The following PLCE1 variants were observed in gnomAD, a reference collection of about 807,000 sequenced individuals.
PLCE1 encodes the protein 1-phosphatidylinositol 4,5-bisphosphate phosphodiesterase epsilon-1.
In PLCE1, 119 loss-of-function variants were observed where a neutral mutation model predicts 242.8. The observed-to-expected ratio is 0.49, with a 90% confidence interval of 0.42 to 0.57. The LOEUF is 0.57. Among genes scored for constraint, PLCE1 ranks in the 20% least tolerant of loss-of-function variants. The pLI is 0.00. For synonymous variants in PLCE1, 945 were observed against 1,017.4 expected (o/e 0.93, Z 1.35); for missense variants, 2,441 against 2,788.8 (o/e 0.88, Z 2.81).
intron 4 of PLCE1, among the ~76,000 whole-genome samples, chr10:94,197,976 C>A: frequency 1.3e-5 from 1 of 78,124 alleles, no homozygotes; most frequent in Admixed American, 2.4e-4. Context: ...GAGCAAGACT[C>A]TGTCTCAAAA....
At chr10:94,254,770 G>A (rs2051005133) in intron 10 of PLCE1, 123 bp from the exon 11 acceptor site, 4 of 1,062,306 alleles carry the variant, frequency 3.8e-6, no homozygotes, top group Non-Finnish European at 5.9e-6. Flanking sequence ...GGTGCTGCTT[G>A]TATAGAAACC....
intron 26 of PLCE1, among the ~76,000 whole-genome samples, chr10:94,307,091 G>T (rs1312140894): frequency 1.3e-5 from 2 of 152,160 alleles, no homozygotes; most frequent in South Asian, 2.1e-4. Flanking sequence ...GTCCAGTTTT[G>T]GAAGCTGGGG....
chr10:94,277,732 A>T lies in PLCE1; in HGVS notation c.4666-2050A>T, dbSNP rs377216565. Among the ~76,000 whole-genome samples the T allele has an allele frequency of 3.9e-5, 6 of 152,268 alleles. No individual in the cohort carries two copies. In the South Asian group the frequency reaches 1.2e-3, roughly 32 times the overall value. On this transcript the variant is annotated intron_variant, in intron 19 of 32. Transcript: ENST00000371380. ...ACTTGTGCCTACAACAGATTTCCCA[A>T]AGTTTTGAAGAACACTAATCCTATG... is the stretch of plus-strand genomic sequence containing the variant.
At chr10:94,233,193 T>A (rs1386202143) in intron 5 of PLCE1, among the ~76,000 whole-genome samples, 1 of 152,200 alleles carries the variant, frequency 6.6e-6, no homozygotes, top group Non-Finnish European at 1.5e-5. Context: ...AGTTTCAGAA[T>A]AGGGAAAGTC....
At chr10:94,222,750 G>T (rs532508203) in intron 4 of PLCE1, among the ~76,000 whole-genome samples, 1 of 152,234 alleles carries the variant, frequency 6.6e-6, no homozygotes, top group East Asian at 1.9e-4. Context: ...TTCAAACCCT[G>T]TCCACACATC....
intron 32 of PLCE1, among the ~76,000 whole-genome samples, chr10:94,327,574 T>C (rs1316739778): frequency 6.6e-6 from 1 of 152,234 alleles, no homozygotes; most frequent in Non-Finnish European, 1.5e-5. Flanking sequence ...TTCCACTTTT[T>C]AGGTAACATA....
intron 1 of PLCE1, among the ~76,000 whole-genome samples, chr10:94,017,208 C>A (rs1293148295): frequency 1.3e-5 from 2 of 152,170 alleles, no homozygotes; most frequent in African/African-American, 4.8e-5. Flanking sequence ...ACAGTTCTGT[C>A]TGTTTTATTT....
Position 94,324,900 on chromosome 10 carries a change from A to T in PLCE1, c.6729A>T (p.Arg2243=). 1 of 1,614,126 alleles carries T rather than the reference A, an allele frequency of 6.2e-7. No homozygotes were observed. The highest frequency in any genetic ancestry group is 8.5e-7 in the Non-Finnish European group (1 of 1,179,998). The stretch of plus-strand genomic sequence containing the variant: ...GTTCTTTGTTCCCACAGGCATCTCG[A>T]GAAGATAAAAAGAAAGGCATTTCTT... ...LKLKEQVQAS[R]EDKKKGISFA... Residue 2243 remains arginine (R), a synonymous_variant, in exon 32 of 33, where the codon CGA becomes CGT. Coordinates refer to ENST00000371380, the MANE Select transcript of PLCE1 (RefSeq NM_016341.4).
intron 4 of PLCE1, among the ~76,000 whole-genome samples, chr10:94,198,294 C>G (rs888734264): frequency 3.3e-5 from 5 of 152,148 alleles, no homozygotes; most frequent in African/African-American, 1.2e-4. Flanking sequence ...TGTTCATTCT[C>G]AACAGAAGTC....
At chr10:93,994,614 C>T (rs1054205575) in intron 1 of PLCE1, among the ~76,000 whole-genome samples, 11 of 152,328 alleles carry the variant, frequency 7.2e-5, no homozygotes, top group Non-Finnish European at 1.5e-4. Context: ...AGAGATTGTT[C>T]CTGGAGAGAT....
chr10:94,233,337 A>G (rs2050205646), intron 5 of PLCE1, among the ~76,000 whole-genome samples: 3 of 152,230 alleles, frequency 2.0e-5, no homozygotes, highest in Non-Finnish European at 4.4e-5. Flanking sequence ...CTTCATGTTG[A>G]TCACTAAGGG....
At chr10:94,326,034 A>G (rs2054004308) in intron 32 of PLCE1, among the ~76,000 whole-genome samples, 2 of 152,206 alleles carry the variant, frequency 1.3e-5, no homozygotes, top group Admixed American at 1.3e-4. Flanking sequence ...AATTATTTAC[A>G]TGAGACCTGA....
chr10:94,254,176 C>G lies in PLCE1; in HGVS notation c.3280-14C>G, dbSNP rs1487466476. 1 of 1,576,782 alleles carries G rather than the reference C, an allele frequency of 6.3e-7. No homozygotes were observed. The highest frequency in any genetic ancestry group is 8.7e-7 in the Non-Finnish European group (1 of 1,145,930). On this transcript the variant is annotated splice_polypyrimidine_tract_variant and intron_variant, in intron 9 of 32. Coordinates refer to ENST00000371380, the MANE Select transcript of PLCE1 (RefSeq NM_016341.4). The stretch of plus-strand genomic sequence containing the variant: ...AATACAGGCTTGGAACCATCGTGAG[C>G]TTTGTGTTCCCAGGGTGAGAGTGGA...
chr10:94,240,650 A>G (rs575635844), intron 7 of PLCE1, among the ~76,000 whole-genome samples: 3 of 152,140 alleles, frequency 2.0e-5, no homozygotes, highest in East Asian at 2.0e-4. Flanking sequence ...ACGAACACTT[A>G]CAAAGAAAAT....
chr10:94,310,530 C>A (rs2053355602), intron 27 of PLCE1, among the ~76,000 whole-genome samples: 1 of 152,124 alleles, frequency 6.6e-6, no homozygotes. Context: ...TAGAAGAGCA[C>A]TTTGGCCAAA....
At chr10:94,291,000 T>C (rs771470639) in intron 22 of PLCE1, among the ~76,000 whole-genome samples, 21 of 152,222 alleles carry the variant, frequency 1.4e-4, no homozygotes, top group Non-Finnish European at 2.6e-4. Context: ...CACCATCATA[T>C]ACGTGGTCTG....
intron 3 of PLCE1, among the ~76,000 whole-genome samples, chr10:94,136,958 C>A (rs972423765): frequency 3.3e-5 from 5 of 152,122 alleles, no homozygotes; most frequent in Non-Finnish European, 5.9e-5. Context: ...TTTGGTAGGC[C>A]GAGGCGGGCA....
At chr10:94,194,609 T>G (rs908163461) in intron 4 of PLCE1, among the ~76,000 whole-genome samples, 2 of 152,230 alleles carry the variant, frequency 1.3e-5, no homozygotes, top group African/African-American at 4.8e-5. Context: ...TGGCTCAGAT[T>G]TGAATTCAGA....
At chr10:94,255,939 CTCTCTCTCT>C (rs1436144529) in intron 11 of PLCE1, among the ~76,000 whole-genome samples, 1 of 150,296 alleles carries the variant, frequency 6.7e-6, no homozygotes, top group Non-Finnish European at 1.5e-5. Flanking sequence ...CTCTCTCTCT[CTCTCTCTCT>C]CTCTCTCTCC....
Sources: gnomAD v4.1 joint callset for allele counts (sites outside exome capture counted in the v4.1 genomes callset) on GRCh38, gnomAD v4.1.1 for gene constraint, MANE v1.5 for transcripts, NCBI Gene and HGNC (gene_info 2026-07-23, HGNC 2026-07-21) for gene names.